Variants in NPAS3 observed in about 807,000 individuals in gnomAD.
The protein encoded by NPAS3 is neuronal PAS domain-containing protein 3.
NPAS3 carries 14 observed loss-of-function variants against 73.1 expected under a neutral mutation model. The observed-to-expected ratio is 0.19, with a 90% CI of 0.13 to 0.30. NPAS3 has a LOEUF of 0.30. Among genes scored for constraint, NPAS3 ranks in the 10% least tolerant of loss-of-function variants. NPAS3 has a pLI of 1.00. For synonymous variants in NPAS3, 620 were observed against 541.5 expected (o/e 1.14, Z -2.01); for missense variants, 1,096 against 1,250.0 (o/e 0.88, Z 1.86).
At chr14:33,331,176 C>T (rs1435001657) in intron 3 of NPAS3, among the ~76,000 whole-genome samples, 1 of 151,936 alleles carries the variant, frequency 6.6e-6, no homozygotes. Flanking sequence ...TCATCAGTAC[C>T]GAGACATTTT....
chr14:32,966,412 T>G lies in NPAS3; in HGVS notation c.50+27046T>G, dbSNP rs574721260. On this transcript the variant is annotated intron_variant, in intron 1 of 11. Coordinates refer to ENST00000356141, the Ensembl canonical transcript of NPAS3. ...ATGAATCCATGCTTTTATAACCAAC[T>G]GATTTTTGACAAAGATGTCAAGAAT... Among the ~76,000 whole-genome samples, 37 of 152,278 alleles carry G rather than the reference T, an allele frequency of 2.4e-4. No homozygotes were observed. The South Asian group carries it at 7.3e-3, about 30-fold the overall frequency.
At chr14:33,438,962 C>T (rs1401876250) in intron 4 of NPAS3, among the ~76,000 whole-genome samples, 1 of 152,072 alleles carries the variant, frequency 6.6e-6, no homozygotes, top group East Asian at 1.9e-4. Context: ...TTTTCAACAC[C>T]ATGTAGGCCT....
intron 3 of NPAS3, among the ~76,000 whole-genome samples, chr14:33,250,611 C>T (rs576146823): frequency 6.6e-6 from 1 of 152,192 alleles, no homozygotes; most frequent in East Asian, 1.9e-4. Flanking sequence ...GACTTGCACC[C>T]TATGTGGAGG....
intron 4 of NPAS3, among the ~76,000 whole-genome samples, chr14:33,546,233 T>C (rs1185099328): frequency 6.6e-6 from 1 of 152,238 alleles, no homozygotes; most frequent in Non-Finnish European, 1.5e-5. Context: ...CCATTCTCTT[T>C]AAACTACTCT....
intron 2 of NPAS3, among the ~76,000 whole-genome samples, chr14:33,177,050 T>C (rs2045612110): frequency 6.8e-6 from 1 of 146,972 alleles, no homozygotes; most frequent in East Asian, 2.0e-4. Context: ...TTCTTTATTT[T>C]TTAATTAGGC....
chr14:33,497,404 A>G (rs570750026), intron 4 of NPAS3, among the ~76,000 whole-genome samples: 1 of 152,108 alleles, frequency 6.6e-6, no homozygotes, highest in African/African-American at 2.4e-5. Flanking sequence ...AATCCTAAGC[A>G]AAAAGAACAA....
intron 5 of NPAS3, 187 bp downstream of exon 5, chr14:33,560,397 T>C (rs1432036313): frequency 1.1e-5 from 5 of 457,696 alleles, no homozygotes; most frequent in African/African-American, 7.9e-5. Context: ...CAGAATAAAC[T>C]TGTGCTCAAA....
chr14:33,393,842 A>G (rs946220549), intron 4 of NPAS3, among the ~76,000 whole-genome samples: 1 of 152,174 alleles, frequency 6.6e-6, no homozygotes, highest in African/African-American at 2.4e-5. Context: ...TATTGCTCCT[A>G]TGGAAACCTC....
At chr14:33,173,074 G>C (rs924353521) in intron 2 of NPAS3, among the ~76,000 whole-genome samples, 1 of 152,118 alleles carries the variant, frequency 6.6e-6, no homozygotes. Context: ...AAAGAGATTA[G>C]CCTAATAACT....
At chr14:33,132,016 A>G (rs2043655801) in intron 2 of NPAS3, among the ~76,000 whole-genome samples, 1 of 152,072 alleles carries the variant, frequency 6.6e-6, no homozygotes, top group African/African-American at 2.4e-5. Context: ...TGTCCTTAGG[A>G]GCTGAAACCA....
chr14:33,666,966 A>G (rs368795778), intron 5 of NPAS3, among the ~76,000 whole-genome samples: 4 of 152,202 alleles, frequency 2.6e-5, no homozygotes, highest in African/African-American at 7.2e-5. Context: ...ACAGAAACAC[A>G]TTGCAAACCC....
intron 4 of NPAS3, among the ~76,000 whole-genome samples, chr14:33,390,522 T>A (rs1362635063): frequency 2.0e-5 from 3 of 152,226 alleles, no homozygotes; most frequent in Non-Finnish European, 4.4e-5. Flanking sequence ...CAAAGACACC[T>A]CATCCCCCTA....
intron 1 of NPAS3, among the ~76,000 whole-genome samples, chr14:32,969,762 A>G (rs28437976): frequency 0.01 from 1,534 of 152,340 alleles, 33 homozygotes; most frequent in African/African-American, 0.035. Flanking sequence ...GCTAATGGAA[A>G]GTAAATGATA....
chr14:33,623,774 C>G (rs2058147501), intron 5 of NPAS3, among the ~76,000 whole-genome samples: 1 of 152,234 alleles, frequency 6.6e-6, no homozygotes, highest in Non-Finnish European at 1.5e-5. Flanking sequence ...ATCCAGCCAT[C>G]CTGCCTCCTC....
upstream of NPAS3, among the ~76,000 whole-genome samples, chr14:32,936,961 C>A (rs1275819182): frequency 7.0e-6 from 1 of 142,652 alleles, no homozygotes; most frequent in Non-Finnish European, 1.5e-5. Context: ...CATCTCTAAA[C>A]TTTAGCCTTT....
intron 4 of NPAS3, among the ~76,000 whole-genome samples, chr14:33,459,709 T>C (rs2050173527): frequency 6.6e-6 from 1 of 152,216 alleles, no homozygotes; most frequent in Non-Finnish European, 1.5e-5. Flanking sequence ...GCCTCTCTTA[T>C]AGCAGCATAT....
At chr14:33,066,435 G>T (rs951983278) in intron 2 of NPAS3, among the ~76,000 whole-genome samples, 1 of 152,174 alleles carries the variant, frequency 6.6e-6, no homozygotes, top group Non-Finnish European at 1.5e-5. Context: ...TAGGAATAAA[G>T]AATGTTGTGT....
At chr14:33,399,073 T>C (rs2047341944) in intron 4 of NPAS3, among the ~76,000 whole-genome samples, 1 of 152,104 alleles carries the variant, frequency 6.6e-6, no homozygotes, top group Non-Finnish European at 1.5e-5. Context: ...TTATTGAGGT[T>C]GGTTATGAAC....
chr14:33,197,893 G>C (rs930092790), intron 2 of NPAS3, among the ~76,000 whole-genome samples: 5 of 152,248 alleles, frequency 3.3e-5, no homozygotes, highest in Admixed American at 3.3e-4. Context: ...CTCGCGGTGA[G>C]TGTTACAGTT....
Sources: gnomAD v4.1 joint callset for allele counts (sites outside exome capture counted in the v4.1 genomes callset) on GRCh38, gnomAD v4.1.1 for gene constraint, MANE v1.5 for transcripts, NCBI Gene and HGNC (gene_info 2026-07-23, HGNC 2026-07-21) for gene names.